The following INPP5A variants were observed in gnomAD, a reference collection of about 807,000 sequenced individuals.
The protein encoded by INPP5A is 43 kDa inositol polyphosphate 5-phophatase.
INPP5A carries 14 observed loss-of-function variants against 65.2 expected under a neutral mutation model. The ratio of observed to expected loss-of-function variants is 0.21; its 90% confidence interval spans 0.14 to 0.34. The LOEUF is 0.34. INPP5A is among the 10% of genes least tolerant of loss of function. The pLI is 1.00. For synonymous variants in INPP5A, 207 were observed against 208.3 expected (o/e 0.99, Z 0.05); for missense variants, 431 against 545.6 (o/e 0.79, Z 2.09).
intron 2 of INPP5A, among the ~76,000 whole-genome samples, chr10:132,631,358 C>G (rs1450340505): frequency 6.6e-6 from 1 of 152,190 alleles, no homozygotes; most frequent in Non-Finnish European, 1.5e-5. Flanking sequence ...CAGCCCAGCC[C>G]AGCCCCGAAG....
intron 1 of INPP5A, among the ~76,000 whole-genome samples, chr10:132,562,829 G>A (rs1414110638): frequency 6.6e-6 from 1 of 152,182 alleles, no homozygotes; most frequent in Non-Finnish European, 1.5e-5. Context: ...CCCTCGAGAG[G>A]GACAGAGCCT....
At chr10:132,666,258 C>T (rs2072800820) in intron 4 of INPP5A, among the ~76,000 whole-genome samples, 2 of 152,122 alleles carry the variant, frequency 1.3e-5, no homozygotes, top group African/African-American at 2.4e-5. Context: ...ATGTTTAAAC[C>T]GACAGAAAGG....
In INPP5A at chr10:132,655,334, C is replaced by T. The variant is rs116798539; in HGVS notation, c.306+4829C>T. Reference sequence around the variant, plus strand: ...CCCCGCCGTGGAGGTCTCGGTACCACGTTGGTACCCAGAGAAATTTCTTAG... The same window carrying T: ...CCCCGCCGTGGAGGTCTCGGTACCATGTTGGTACCCAGAGAAATTTCTTAG... On this transcript the variant is annotated intron_variant, in intron 4 of 15. Coordinates refer to ENST00000368594, the MANE Select transcript of INPP5A (RefSeq NM_005539.5). 2.2e-3 allele frequency among the ~76,000 whole-genome samples: 321 copies of T among 148,690 alleles called. 2 individuals are homozygous for T. Among genetic ancestry groups the T allele is most frequent in the Middle Eastern group, 0.021 (6 of 284 alleles).
At chr10:132,548,751 G>A (rs977771736) in intron 1 of INPP5A, among the ~76,000 whole-genome samples, 1 of 149,940 alleles carries the variant, frequency 6.7e-6, no homozygotes, top group African/African-American at 2.5e-5. Flanking sequence ...AGCGTTTCAA[G>A]GTTTGTATTG....
intron 3 of INPP5A, 59 bp downstream of exon 3, chr10:132,646,027 G>A (rs1590891337): frequency 1.6e-5 from 19 of 1,177,848 alleles, no homozygotes; most frequent in East Asian, 1.2e-4. Flanking sequence ...GGGTGCCGGC[G>A]GGGGTCTTTT....
At chr10:132,579,359 G>A (rs1247012155) in intron 1 of INPP5A, among the ~76,000 whole-genome samples, 1 of 152,070 alleles carries the variant, frequency 6.6e-6, no homozygotes, top group Non-Finnish European at 1.5e-5. Flanking sequence ...CATGAACTCC[G>A]TTTTCCTCCT....
At chr10:132,766,787 G>T (rs147696511) in intron 12 of INPP5A, among the ~76,000 whole-genome samples, 10 of 152,236 alleles carry the variant, frequency 6.6e-5, no homozygotes, top group Non-Finnish European at 1.2e-4. Flanking sequence ...GTTGGAAGCC[G>T]CAGGGGACTT....
At chr10:132,733,933 CA>C (rs1289421100) in intron 9 of INPP5A, among the ~76,000 whole-genome samples, 1 of 152,250 alleles carries the variant, frequency 6.6e-6, no homozygotes, top group Non-Finnish European at 1.5e-5. Context: ...CTCCTTAGCA[CA>C]CACATCCTGG....
At chr10:132,595,821 A>G (rs909567328) in intron 1 of INPP5A, among the ~76,000 whole-genome samples, 1 of 151,954 alleles carries the variant, frequency 6.6e-6, no homozygotes. Flanking sequence ...TTGACAGAGC[A>G]TTTTTGCTCT....
rs546987426 is a variant in INPP5A, at chr10:132,644,770, G to A, written c.118-1098G>A. Among the ~76,000 whole-genome samples the A allele has an allele frequency of 1.5e-3, 223 of 152,364 alleles. 1 individual carries two copies. Among genetic ancestry groups the A allele is most frequent in the Middle Eastern group, 0.014 (4 of 294 alleles). ...AAGCGCTGCGCATCCTGTGTTCCAGGGGAGCGGGGTCAATCAGTGCCTCAC... is the reference window on the plus strand; with the variant it reads ...AAGCGCTGCGCATCCTGTGTTCCAGAGGAGCGGGGTCAATCAGTGCCTCAC... On this transcript the variant is annotated intron_variant, in intron 2 of 15. Coordinates refer to ENST00000368594, the MANE Select transcript of INPP5A (RefSeq NM_005539.5). The surrounding 1 kb of genome is among the most constrained non-coding windows in gnomAD (Gnocchi z 6.5).
chr10:132,609,491 C>T (rs74556104), intron 2 of INPP5A, among the ~76,000 whole-genome samples: 1 of 152,200 alleles, frequency 6.6e-6, no homozygotes, highest in East Asian at 1.9e-4. Context: ...TGTGTCTCCC[C>T]TCCAGGGATC....
intron 4 of INPP5A, among the ~76,000 whole-genome samples, chr10:132,653,691 T>A (rs1257480582): frequency 6.6e-6 from 1 of 152,234 alleles, no homozygotes; most frequent in Non-Finnish European, 1.5e-5. Flanking sequence ...GGAAATTAAC[T>A]TGTTTGTTAA....
Position 132,603,207 on chromosome 10 carries a change from C to T in INPP5A, c.76-4708C>T, listed in dbSNP as rs1220432525. 6.6e-6 allele frequency among the ~76,000 whole-genome samples: 1 copy of T among 152,204 alleles called. No homozygotes were observed. The highest frequency in any genetic ancestry group is 1.5e-5 in the Non-Finnish European group (1 of 68,034). ...TGGGCGGCTGTGGGCCAGGCTGCCT[C>T]TGGCATCTTGGTCTCTCATGTGGGT... On this transcript the variant is annotated intron_variant, in intron 1 of 15. Coordinates refer to ENST00000368594, the MANE Select transcript of INPP5A (RefSeq NM_005539.5). The surrounding 1 kb of genome is among the most constrained non-coding windows in gnomAD (Gnocchi z 4.2).
At chr10:132,561,978 G>T (rs556172749) in intron 1 of INPP5A, among the ~76,000 whole-genome samples, 46 of 152,374 alleles carry the variant, frequency 3.0e-4, no homozygotes, top group African/African-American at 1.1e-3. Context: ...TTGTGGGTTT[G>T]TCAGCTTCAG....
chr10:132,616,057 T>C lies in INPP5A; in HGVS notation c.117+8101T>C, dbSNP rs2072028480. ...CGGTTCCGGGTCCTGTGGGGAGCGG[T>C]GAGGGATGGTCGTGTGCGTCGTTTT... On this transcript the variant is annotated intron_variant, in intron 2 of 15. Transcript: ENST00000368594. The surrounding 1 kb of genome is among the most constrained non-coding windows in gnomAD (Gnocchi z 4.9). Among the ~76,000 whole-genome samples the C allele has an allele frequency of 6.6e-6, 1 of 151,854 alleles. No individual in the cohort carries two copies. The highest frequency in any genetic ancestry group is 1.5e-5 in the Non-Finnish European group (1 of 67,938).
At chr10:132,571,095 C>T (rs2071336046) in intron 1 of INPP5A, among the ~76,000 whole-genome samples, 1 of 152,286 alleles carries the variant, frequency 6.6e-6, no homozygotes, top group Non-Finnish European at 1.5e-5. Flanking sequence ...TGCACGCCCA[C>T]CTGCTGGGCC....
chr10:132,691,886 G>A (rs1162450117), intron 5 of INPP5A, among the ~76,000 whole-genome samples: 1 of 151,260 alleles, frequency 6.6e-6, no homozygotes, highest in Non-Finnish European at 1.5e-5. Flanking sequence ...ACGTGTGGTC[G>A]CGGGAGACAT....
intron 9 of INPP5A, among the ~76,000 whole-genome samples, chr10:132,737,251 C>A (rs201384994): frequency 2.0e-5 from 3 of 152,194 alleles, no homozygotes; most frequent in African/African-American, 7.2e-5. Flanking sequence ...GGGCAGGTGG[C>A]AGGGACGGTC....
intron 5 of INPP5A, among the ~76,000 whole-genome samples, chr10:132,694,092 C>T (rs968804682): frequency 6.6e-6 from 1 of 152,178 alleles, no homozygotes; most frequent in African/African-American, 2.4e-5. Flanking sequence ...TTGTCAAGCT[C>T]GCCTGGAACA....
Sources: gnomAD v4.1 joint callset for allele counts (sites outside exome capture counted in the v4.1 genomes callset) on GRCh38, gnomAD v4.1.1 for gene constraint, Gnocchi (gnomAD v3.1) non-coding constraint, MANE v1.5 for transcripts, NCBI Gene and HGNC (gene_info 2026-07-23, HGNC 2026-07-21) for gene names.